The following PDZD9 variants were observed in gnomAD, a reference collection of about 807,000 sequenced individuals.
PDZD9 encodes PDZ domain-containing protein 9.
PDZD9 carries 13 observed loss-of-function variants against 16.3 expected under a neutral mutation model. That is an observed-to-expected ratio of 0.80 (90% CI 0.52 to 1.27). The LOEUF is 1.27. Among genes scored for constraint, PDZD9 ranks in the 50% most tolerant of loss-of-function variants. The probability of loss-of-function intolerance (pLI) is 0.00; values close to 1 mark genes in which losing one functional copy is unlikely to be tolerated. For missense variants in PDZD9, 288 were observed against 310.9 expected, an observed-to-expected ratio of 0.93 and a Z score of 0.55; for synonymous variants, 120 against 111.0, an observed-to-expected ratio of 1.08 and a Z score of -0.51.
chr16:21,987,567 G>A (rs1898908967), intron 3 of PDZD9, among the ~76,000 whole-genome samples: 1 of 152,212 alleles, frequency 6.6e-6, no homozygotes, highest in Non-Finnish European at 1.5e-5. Context: ...AAAATCAGGG[G>A]AGTGTGGTGT....
chr16:21,976,290 T>C, the PDZD9 span: 1 of 1,455,320 alleles, frequency 6.9e-7, no homozygotes, highest in Non-Finnish European at 9.6e-7. Context: ...TATTTGAAAG[T>C]TGTATTCTTT....
the PDZD9 span, among the ~76,000 whole-genome samples, chr16:21,974,762 G>A: frequency 6.6e-6 from 1 of 152,176 alleles, no homozygotes; most frequent in Non-Finnish European, 1.5e-5. Context: ...ATCGGAGATA[G>A]AAAATTATAA....
At chr16:21,983,452 G>A, downstream of PDZD9, 1 of 400,492 alleles carries the variant, frequency 2.5e-6, no homozygotes, top group South Asian at 1.0e-4. Flanking sequence ...TAATTATTGA[G>A]TATAGAAGCA....
At chr16:21,966,273 TC>T in the PDZD9 span, among the ~76,000 whole-genome samples, 1 of 152,190 alleles carries the variant, frequency 6.6e-6, no homozygotes, top group Non-Finnish European at 1.5e-5. Context: ...TAGCTCCTGT[TC>T]CATCCTCGCT....
chr16:21,963,466 G>A, the PDZD9 span, among the ~76,000 whole-genome samples: 1 of 151,038 alleles, frequency 6.6e-6, no homozygotes, highest in Non-Finnish European at 1.5e-5. Flanking sequence ...TTTTGTTTTT[G>A]TTTGTTTGTT....
At chr16:21,972,169 G>A in the PDZD9 span, 3 of 1,559,956 alleles carry the variant, frequency 1.9e-6, no homozygotes, top group Middle Eastern at 1.7e-4. Flanking sequence ...CAAAGGCTCA[G>A]TATTTAAGAT....
At chr16:21,982,476 T>C (rs1318744378), downstream of PDZD9, among the ~76,000 whole-genome samples, 1 of 152,166 alleles carries the variant, frequency 6.6e-6, no homozygotes, top group Non-Finnish European at 1.5e-5. Flanking sequence ...TATTTGACAG[T>C]GTCAGTGTTG....
At chr16:21,988,259 C>T (rs1240491378) in intron 3 of PDZD9, among the ~76,000 whole-genome samples, 1 of 152,058 alleles carries the variant, frequency 6.6e-6, no homozygotes, top group Non-Finnish European at 1.5e-5. Context: ...CCACCCGCCT[C>T]AGCCTCCCAA....
chr16:21,997,410 A>ACAGT (rs1410780392), intron 1 of PDZD9, among the ~76,000 whole-genome samples: 2 of 152,204 alleles, frequency 1.3e-5, no homozygotes, highest in African/African-American at 4.8e-5. Context: ...AAAGGAAGGA[A>ACAGT]CAGTCCCTGT....
chr16:21,993,092 G>A (rs943471744), intron 2 of PDZD9, among the ~76,000 whole-genome samples: 2 of 152,124 alleles, frequency 1.3e-5, no homozygotes, highest in African/African-American at 4.8e-5. Flanking sequence ...ACGGAACTGT[G>A]AGTCAATTAA....
the PDZD9 span, among the ~76,000 whole-genome samples, chr16:21,964,947 A>C: frequency 6.6e-6 from 1 of 152,236 alleles, no homozygotes; most frequent in Non-Finnish European, 1.5e-5. Flanking sequence ...CAGAGGAGTA[A>C]GTCCCAGTGG....
At chr16:21,964,602 G>T in the PDZD9 span, among the ~76,000 whole-genome samples, 4 of 152,062 alleles carry the variant, frequency 2.6e-5, no homozygotes, top group Non-Finnish European at 5.9e-5. Flanking sequence ...TGCCTAAAAT[G>T]CTGTTCCCAA....
chr16:21,958,551 C>T, the PDZD9 span: 20 of 1,612,476 alleles, frequency 1.2e-5, no homozygotes, highest in Non-Finnish European at 1.7e-5. Context: ...AAAGGAGCTT[C>T]ATCTTTCAAG....
chr16:21,973,914 A>C, the PDZD9 span: 1 of 1,613,092 alleles, frequency 6.2e-7, no homozygotes, highest in Non-Finnish European at 8.5e-7. Flanking sequence ...ATTTAATGCC[A>C]GTTACTCAGA....
the PDZD9 span, among the ~76,000 whole-genome samples, chr16:21,973,446 A>G: frequency 2.6e-5 from 4 of 152,220 alleles, no homozygotes; most frequent in Non-Finnish European, 5.9e-5. Flanking sequence ...CATCTGGATA[A>G]TGACCACTAA....
chr16:21,993,979 T>C (rs1899084511), intron 2 of PDZD9, among the ~76,000 whole-genome samples: 1 of 151,860 alleles, frequency 6.6e-6, no homozygotes, highest in Admixed American at 6.6e-5. Context: ...CTGGACAACA[T>C]AGTGAGACAC....
At chr16:21,996,554 C>A in intron 1 of PDZD9, 53 bp from the exon 2 acceptor site, 2 of 1,459,278 alleles carry the variant, frequency 1.4e-6, no homozygotes. Context: ...AGAAGCATGG[C>A]CATACCTACT....
At chr16:21,969,543 A>G in the PDZD9 span, among the ~76,000 whole-genome samples, 20 of 152,078 alleles carry the variant, frequency 1.3e-4, no homozygotes, top group Non-Finnish European at 2.6e-4. Context: ...AAAAAATACA[A>G]TTCCAAATGT....
chr16:21,962,684 G>C, the PDZD9 span: 1 of 1,603,260 alleles, frequency 6.2e-7, no homozygotes, highest in Non-Finnish European at 8.5e-7. Flanking sequence ...CACATTGAGA[G>C]CATTACAGCT....
Sources: allele counts gnomAD v4.1 joint callset (sites outside exome capture counted in the v4.1 genomes callset), GRCh38; gene constraint gnomAD v4.1.1; transcripts MANE v1.5; gene names NCBI Gene and HGNC (gene_info 2026-07-23, HGNC 2026-07-21).